Variants in NFIA observed in about 807,000 individuals in gnomAD.
NFIA encodes the protein nuclear factor 1 A-type.
In NFIA, 8 loss-of-function variants were observed where a neutral mutation model predicts 62.8. The ratio of observed to expected loss-of-function variants is 0.13; its 90% confidence interval spans 0.07 to 0.23. The LOEUF (loss-of-function observed/expected upper bound fraction) is 0.23, where lower values mean the gene tolerates loss of function less well. Among genes scored for constraint, NFIA ranks in the 10% least tolerant of loss-of-function variants. NFIA has a pLI of 1.00. For synonymous variants in NFIA, 235 were observed against 238.1 expected, an observed-to-expected ratio of 0.99 and a Z score of 0.12; for missense variants, 410 against 642.1, an observed-to-expected ratio of 0.64 and a Z score of 3.91.
intron 6 of NFIA, among the ~76,000 whole-genome samples, chr1:61,362,486 C>T (rs1663350680): frequency 6.6e-6 from 1 of 152,120 alleles, no homozygotes; most frequent in South Asian, 2.1e-4. Context: ...TTCCAGGACT[C>T]CCTGGCCAAA....
At chr1:61,187,398 A>G (rs1338771280) in intron 2 of NFIA, among the ~76,000 whole-genome samples, 1 of 152,248 alleles carries the variant, frequency 6.6e-6, no homozygotes, top group African/African-American at 2.4e-5. Context: ...TCCAACTGCC[A>G]TAACTGCCTT....
chr1:61,111,774 A>G (rs1646697875), intron 2 of NFIA, among the ~76,000 whole-genome samples: 1 of 152,138 alleles, frequency 6.6e-6, no homozygotes, highest in South Asian at 2.1e-4. Context: ...CGTTACTGCT[A>G]GAGTGCTCAA....
At chr1:61,305,909 G>A (rs1659749524) in intron 3 of NFIA, among the ~76,000 whole-genome samples, 1 of 148,582 alleles carries the variant, frequency 6.7e-6, no homozygotes, top group Admixed American at 6.7e-5. Flanking sequence ...GTGCAGTGGT[G>A]TGATCTTGGC....
chr1:61,455,331 G>A lies in NFIA; in HGVS notation c.*11G>A, dbSNP rs115287620. On this transcript the variant is annotated 3_prime_UTR_variant, in exon 11 of 11. Transcript: ENST00000403491. ...TGGTACCTGGGATAAAAGTTGCAGC[G>A]TCCCACCATCCACCAGACAGACCAC... 123 of 1,613,896 alleles carry A rather than the reference G, an allele frequency of 7.6e-5. No individual in the cohort carries two copies. In the East Asian group the frequency reaches 1.0e-3, roughly 13 times the overall value.
At position 61,416,252 on chromosome 1, in the gene NFIA, C is replaced by A. The variant is rs150183949; in HGVS notation, c.1420+9525C>A. Among the ~76,000 whole-genome samples, 779 of 152,196 alleles carry A rather than the reference C, an allele frequency of 5.1e-3. 7 individuals are homozygous for A. Among genetic ancestry groups the A allele is most frequent in the African/African-American group, 0.017 (716 of 41,540 alleles). ...CCTTTTATATCAAATATTATGATTT[C>A]TTTATTCTTAAAAATATTTGTCTAG... is the stretch of plus-strand genomic sequence containing the variant. On this transcript the variant is annotated intron_variant, in intron 9 of 10. Coordinates refer to ENST00000403491, the MANE Select transcript of NFIA (RefSeq NM_001134673.4).
At chr1:61,177,809 A>G (rs971768868) in intron 2 of NFIA, among the ~76,000 whole-genome samples, 1 of 152,088 alleles carries the variant, frequency 6.6e-6, no homozygotes, top group Non-Finnish European at 1.5e-5. Flanking sequence ...AACCAACTCT[A>G]TTATTGGTTC....
chr1:61,149,300 G>A (rs1648236033), intron 2 of NFIA, among the ~76,000 whole-genome samples: 1 of 152,030 alleles, frequency 6.6e-6, no homozygotes, highest in Non-Finnish European at 1.5e-5. Flanking sequence ...AGTTTGTTTT[G>A]TTTGCATCTT....
At chr1:61,208,810 TA>T (rs1242632381) in intron 2 of NFIA, among the ~76,000 whole-genome samples, 5 of 152,202 alleles carry the variant, frequency 3.3e-5, no homozygotes, top group Non-Finnish European at 7.3e-5. Flanking sequence ...AATAAAGCTT[TA>T]AACTTTTAAT....
chr1:61,383,677 T>A lies in NFIA; in HGVS notation c.1075+312T>A, dbSNP rs74086944. 0.084 allele frequency among the ~76,000 whole-genome samples: 12,722 copies of A among 152,012 alleles called. 599 individuals carry two copies. The highest frequency in any genetic ancestry group is 0.12 in the Middle Eastern group (36 of 294). On this transcript the variant is annotated intron_variant, in intron 7 of 10. Transcript: ENST00000403491. ...TCTACAAGTTGTGTGTGTGTGTGTGTGAGAGAGAGAGACAGAATGTGTGTG... is the reference window on the plus strand; with the variant it reads ...TCTACAAGTTGTGTGTGTGTGTGTGAGAGAGAGAGAGACAGAATGTGTGTG...
chr1:61,340,382 A>G (rs908567524), intron 4 of NFIA, among the ~76,000 whole-genome samples: 8 of 152,206 alleles, frequency 5.3e-5, no homozygotes, highest in African/African-American at 1.4e-4. Context: ...GAGCTTTGCA[A>G]CTTATCAACT....
intron 2 of NFIA, among the ~76,000 whole-genome samples, chr1:61,184,251 C>T (rs1277950125): frequency 6.6e-6 from 1 of 152,162 alleles, no homozygotes; most frequent in East Asian, 1.9e-4. Context: ...TTTAAGGAGC[C>T]AGTGAAGGGC....
intron 7 of NFIA, among the ~76,000 whole-genome samples, chr1:61,393,324 C>G (rs1273827152): frequency 1.7e-5 from 2 of 119,246 alleles, no homozygotes; most frequent in South Asian, 6.6e-4. Flanking sequence ...CGTCTCTCCC[C>G]CTCCCCAACC....
At chr1:61,106,409 C>T (rs1412105422) in intron 2 of NFIA, among the ~76,000 whole-genome samples, 1 of 151,592 alleles carries the variant, frequency 6.6e-6, no homozygotes, top group Non-Finnish European at 1.5e-5. Context: ...CTCACTGCAC[C>T]CTCCCTGTTT....
At chr1:61,453,137 T>A (rs1668135128) in intron 10 of NFIA, among the ~76,000 whole-genome samples, 1 of 152,156 alleles carries the variant, frequency 6.6e-6, no homozygotes. Flanking sequence ...GCTGTGTAGG[T>A]CATAAATTAG....
intron 2 of NFIA, among the ~76,000 whole-genome samples, chr1:61,135,877 T>C (rs1415039423): frequency 2.0e-5 from 3 of 152,326 alleles, no homozygotes; most frequent in Admixed American, 1.3e-4. Context: ...GACATATCCA[T>C]AGAGCACGCA....
At chr1:61,283,000 C>T (rs1557680924) in intron 3 of NFIA, among the ~76,000 whole-genome samples, 1 of 152,122 alleles carries the variant, frequency 6.6e-6, no homozygotes, top group Non-Finnish European at 1.5e-5. Context: ...AATCATGATG[C>T]TTGCCCCAGA....
chr1:61,255,358 A>C (rs1485709046), intron 2 of NFIA, among the ~76,000 whole-genome samples: 1 of 152,216 alleles, frequency 6.6e-6, no homozygotes, highest in Non-Finnish European at 1.5e-5. Context: ...TGTAATCTTC[A>C]ATATGCAGTG....
intron 3 of NFIA, among the ~76,000 whole-genome samples, chr1:61,320,231 A>C (rs999825899): frequency 6.6e-6 from 1 of 152,112 alleles, no homozygotes; most frequent in Non-Finnish European, 1.5e-5. Flanking sequence ...TCATTCTGTT[A>C]CATTTCACAA....
chr1:61,336,972 G>C (rs1380557397), intron 4 of NFIA, among the ~76,000 whole-genome samples: 1 of 152,048 alleles, frequency 6.6e-6, no homozygotes, highest in Non-Finnish European at 1.5e-5. Context: ...ACTTACACTA[G>C]GTTTCCAGTT....
Sources: gnomAD v4.1 joint callset for allele counts (sites outside exome capture counted in the v4.1 genomes callset) on GRCh38, gnomAD v4.1.1 for gene constraint, MANE v1.5 for transcripts, NCBI Gene and HGNC (gene_info 2026-07-23, HGNC 2026-07-21) for gene names.